TFCP2: variants seen among roughly 807,000 people sequenced by gnomAD.
TFCP2 encodes transcription factor CP2.
A neutral mutation model predicts 73.4 loss-of-function variants in TFCP2; 33 were observed. That is an observed-to-expected ratio of 0.45 (90% CI 0.34 to 0.60). TFCP2 has a LOEUF of 0.60. Ranked by LOEUF, TFCP2 falls within the 20% of genes least tolerant of loss-of-function variation. The probability of loss-of-function intolerance (pLI) is 0.01; values close to 1 mark genes in which losing one functional copy is unlikely to be tolerated. For synonymous variants in TFCP2, 193 were observed against 211.6 expected, an observed-to-expected ratio of 0.91 and a Z score of 0.76; for missense variants, 352 against 604.0, an observed-to-expected ratio of 0.58 and a Z score of 4.37.
chr12:51,104,010 C>A (rs938011052), intron 9 of TFCP2, 145 bp downstream of exon 9: 6 of 874,782 alleles, frequency 6.9e-6, no homozygotes, highest in South Asian at 2.9e-5. Flanking sequence ...AGCACAGTAT[C>A]TGGTTCATAG....
chr12:51,170,052 CT>C (rs1474903217), intron 1 of TFCP2, among the ~76,000 whole-genome samples: 1 of 152,160 alleles, frequency 6.6e-6, no homozygotes, highest in Non-Finnish European at 1.5e-5. Flanking sequence ...CAAAATCAAA[CT>C]TTTTGCTGTG....
Position 51,099,638 on chromosome 12 carries a change from T to G in TFCP2, c.1276+17A>C, listed in dbSNP as rs780063784. The stretch of plus-strand genomic sequence containing the variant: ...ACCTTTCTTCATATCTGTCCTAGTG[T>G]GTCCAGAACAACCTACCGAAGAAAG... On this transcript the variant is annotated intron_variant, in intron 12 of 14. Transcript: ENST00000257915. 2 of 1,614,126 alleles carry G rather than the reference T, an allele frequency of 1.2e-6. No homozygotes were observed. The highest frequency in any genetic ancestry group is 1.7e-6 in the Non-Finnish European group (2 of 1,179,974).
intron 1 of TFCP2, among the ~76,000 whole-genome samples, chr12:51,131,995 TTTCATTTATGCCTAACTTTCAGCTAA>T (rs1940954163): frequency 1.3e-5 from 2 of 152,218 alleles, no homozygotes; most frequent in Non-Finnish European, 2.9e-5. Flanking sequence ...CTAAGTTATT[TTTCATTTATGCCTAACTTTCAGCTAA>T]ACACTTGCTA....
At chr12:51,169,374 G>A (rs1043915899) in intron 1 of TFCP2, among the ~76,000 whole-genome samples, 2 of 151,786 alleles carry the variant, frequency 1.3e-5, no homozygotes, top group Admixed American at 1.3e-4. Flanking sequence ...GATGGCGTGC[G>A]CCTGTAGTGC....
intron 10 of TFCP2, among the ~76,000 whole-genome samples, 188 bp from the exon 11 acceptor site, chr12:51,102,213 C>A (rs1479267491): frequency 6.6e-6 from 1 of 152,118 alleles, no homozygotes; most frequent in Admixed American, 6.6e-5. Flanking sequence ...CCCCAATTAA[C>A]CTCCCCACTT....
intron 8 of TFCP2, 94 bp downstream of exon 8, chr12:51,106,431 A>G: frequency 1.1e-6 from 1 of 886,304 alleles, no homozygotes. Flanking sequence ...AAATAGATAT[A>G]CTTATTGATT....
At chr12:51,122,935 C>G (rs1354673557) in intron 1 of TFCP2, among the ~76,000 whole-genome samples, 1 of 152,180 alleles carries the variant, frequency 6.6e-6, no homozygotes, top group East Asian at 1.9e-4. Context: ...TCTGATGATT[C>G]CTTAAAAGAT....
chr12:51,112,500 G>A (rs1175446563), intron 4 of TFCP2, among the ~76,000 whole-genome samples: 5 of 152,288 alleles, frequency 3.3e-5, no homozygotes, highest in African/African-American at 1.2e-4. Flanking sequence ...TGCTATTGAA[G>A]GGGTGCAGCA....
intron 4 of TFCP2, among the ~76,000 whole-genome samples, chr12:51,114,375 G>A (rs1410217660): frequency 6.6e-6 from 1 of 152,172 alleles, no homozygotes; most frequent in African/African-American, 2.4e-5. Flanking sequence ...GGAGGCCAAG[G>A]CGGGTGGATC....
intron 1 of TFCP2, among the ~76,000 whole-genome samples, chr12:51,167,377 G>T (rs770674411): frequency 2.0e-5 from 3 of 147,192 alleles, no homozygotes; most frequent in Non-Finnish European, 4.5e-5. Flanking sequence ...TAATAAAGAT[G>T]TAGAACGTCA....
intron 1 of TFCP2, among the ~76,000 whole-genome samples, chr12:51,133,936 A>C (rs1195526759): frequency 6.6e-6 from 1 of 151,942 alleles, no homozygotes; most frequent in Non-Finnish European, 1.5e-5. Flanking sequence ...AAAAAAAAAA[A>C]AACGAAAGAA....
chr12:51,158,511 T>C (rs369465552), intron 1 of TFCP2, among the ~76,000 whole-genome samples: 2 of 151,908 alleles, frequency 1.3e-5, no homozygotes, highest in Non-Finnish European at 2.9e-5. Context: ...TTTTTTAAGA[T>C]AGAGTCTTGC....
rs1454284533 is a variant in TFCP2 at position 51,157,221 on chromosome 12, T to C, written c.122+15080A>G. On this transcript the variant is annotated intron_variant, in intron 1 of 14. Coordinates refer to ENST00000257915, the MANE Select transcript of TFCP2 (RefSeq NM_005653.5). ...ATTTTTAGTGGAGACGGGGTTTCAC[T>C]ATGTTGGCCAGGCTGGTCTCAAACT... Among the ~76,000 whole-genome samples the C allele has an allele frequency of 5.9e-5, 9 of 151,944 alleles. No homozygotes were observed. The South Asian group carries it at 1.0e-3, about 18-fold the overall frequency.
chr12:51,171,933 T>C (rs1007109014), intron 1 of TFCP2, among the ~76,000 whole-genome samples: 2 of 152,132 alleles, frequency 1.3e-5, no homozygotes, highest in Admixed American at 1.3e-4. Context: ...ATTTCCCAAC[T>C]TCCTAGATAC....
chr12:51,136,802 G>A (rs1160413947), intron 1 of TFCP2, among the ~76,000 whole-genome samples: 1 of 152,124 alleles, frequency 6.6e-6, no homozygotes, highest in Non-Finnish European at 1.5e-5. Context: ...TAGCCGGCAT[G>A]GTGGCATGCA....
intron 1 of TFCP2, among the ~76,000 whole-genome samples, chr12:51,128,478 T>TAAAAAAAAAAAAACAAAAAAAAAAAAAA (rs1940863643): frequency 7.3e-6 from 1 of 137,306 alleles, no homozygotes; most frequent in Non-Finnish European, 1.6e-5. Context: ...AGTATAATAA[T>TAAAAAAAAAAAAACAAAAAAAAAAAAAA]AAAAAAAAAA....
At chr12:51,125,955 G>C (rs1592809384) in intron 1 of TFCP2, among the ~76,000 whole-genome samples, 1 of 152,180 alleles carries the variant, frequency 6.6e-6, no homozygotes, top group East Asian at 1.9e-4. Flanking sequence ...AATTGGCCAG[G>C]CACGGTGGCT....
intron 1 of TFCP2, among the ~76,000 whole-genome samples, chr12:51,158,979 T>G: frequency 8.2e-6 from 1 of 122,312 alleles, no homozygotes; most frequent in Non-Finnish European, 1.6e-5. Flanking sequence ...CTGGCCAACA[T>G]GGTGAAACCC....
chr12:51,158,551 C>T (rs775597604), intron 1 of TFCP2, among the ~76,000 whole-genome samples: 10 of 152,012 alleles, frequency 6.6e-5, no homozygotes, highest in Non-Finnish European at 8.8e-5. Context: ...TGCAGTGGCA[C>T]GATCTCGGCT....
Sources: allele counts gnomAD v4.1 joint callset (sites outside exome capture counted in the v4.1 genomes callset), GRCh38; gene constraint gnomAD v4.1.1; transcripts MANE v1.5; gene names NCBI Gene and HGNC (gene_info 2026-07-23, HGNC 2026-07-21).